TRIM33: variants seen among roughly 807,000 people sequenced by gnomAD.
TRIM33 encodes the protein E3 ubiquitin-protein ligase TRIM33.
In TRIM33, 20 loss-of-function variants were observed where a neutral mutation model predicts 125.4. The observed-to-expected ratio is 0.16, with a 90% CI of 0.11 to 0.23. The LOEUF (loss-of-function observed/expected upper bound fraction) is 0.23. TRIM33 is among the 10% of genes least tolerant of loss of function. The pLI, the probability that TRIM33 is intolerant of heterozygous loss-of-function variation, is 1.00. For synonymous variants in TRIM33, 564 were observed against 513.9 expected (o/e 1.10, Z -1.32); for missense variants, 920 against 1,411.4 (o/e 0.65, Z 5.58).
chr1:114,405,427 T>C lies in TRIM33; in HGVS notation c.2751A>G (p.Thr917=). ...ACTGGTACCTTGGAAAGCTAAGTAG[T>C]GTTGGAACATGACAAGTTAGATGAA... ...KVFHLTCHVP[T]LLSFPSGDWI... is the part of the protein sequence containing the mutation. The change falls in exon 15 of 20, where the codon ACA becomes ACG. Residue 917 remains threonine (T), a synonymous_variant. Coordinates refer to ENST00000358465, the MANE Select transcript of TRIM33 (RefSeq NM_015906.4). The C allele has an allele frequency of 1.2e-6, 2 of 1,612,008 alleles. No individual in the cohort carries two copies. Among genetic ancestry groups the C allele is most frequent in the South Asian group, 1.1e-5 (1 of 90,662 alleles).
At chr1:114,461,236 A>T in intron 4 of TRIM33, among the ~76,000 whole-genome samples, 1 of 146,036 alleles carries the variant, frequency 6.8e-6, no homozygotes. Flanking sequence ...ATATATATAT[A>T]CATATATTTA....
chr1:114,457,326 G>C (rs1649684124), intron 4 of TRIM33, among the ~76,000 whole-genome samples: 1 of 152,106 alleles, frequency 6.6e-6, no homozygotes. Context: ...AACCCTATGA[G>C]TGCCACCCAG....
rs1369094171 is a variant in TRIM33, at chr1:114,510,878, C to G, written c.199G>C (p.Val67Leu). ...GGAAGPDDGG[V>L]AAASSGSAQA... ...GCCGAGCCCGAGGAGGCCGCGGCCA[C>G]CCCCCCGTCGTCGGGCCCGGCCGCG... is the stretch of plus-strand genomic sequence containing the variant. Residue 67 changes from valine (V) to leucine (L), a missense_variant, in exon 1 of 20, where the codon GTG becomes CTG. Val to Leu is a conservative substitution (Grantham distance 32). Transcript: ENST00000358465. The G allele has an allele frequency of 2.1e-6, 3 of 1,447,258 alleles. No individual in the cohort carries two copies. Among genetic ancestry groups the G allele is most frequent in the Non-Finnish European group, 2.7e-6 (3 of 1,105,950 alleles). 89.7% of individuals were successfully genotyped at this position (1,447,258 alleles called of 1,614,324 possible).
rs1474560351 is a variant in TRIM33 at position 114,510,759 on chromosome 1, A to G, written c.318T>C (p.Ala106=). ...GAGGCGGCCCTGCCGAGGGACCCGG[A>G]GCGGGAGCCGAGGCTGGAGCTGGAG... is the stretch of plus-strand genomic sequence containing the variant. ...TPAPAPASAP[A]PGPSAGPPPG... is the part of the protein sequence containing the mutation. The change falls in exon 1 of 20, where the codon GCT becomes GCC. Residue 106 remains alanine (A), a synonymous_variant. Coordinates refer to ENST00000358465, the MANE Select transcript of TRIM33 (RefSeq NM_015906.4). 1.3e-6 allele frequency: 2 copies of G among 1,523,114 alleles called. No individual in the cohort carries two copies. The highest frequency in any genetic ancestry group is 2.5e-5 in the East Asian group (1 of 40,038). 94.3% of individuals were successfully genotyped at this position (1,523,114 alleles called of 1,614,324 possible).
At chr1:114,489,095 T>C (rs2101526285) in intron 1 of TRIM33, among the ~76,000 whole-genome samples, 1 of 152,280 alleles carries the variant, frequency 6.6e-6, no homozygotes, top group South Asian at 2.1e-4. Context: ...GACATACAGA[T>C]CAATGGAATG....
chr1:114,449,962 A>G (rs549154071), intron 4 of TRIM33, among the ~76,000 whole-genome samples: 4 of 152,264 alleles, frequency 2.6e-5, no homozygotes, highest in Admixed American at 2.6e-4. Flanking sequence ...TTCTTGGTTT[A>G]CTAACTTATT....
At chr1:114,421,388 G>A in intron 11 of TRIM33, 48 bp downstream of exon 11, 2 of 1,502,214 alleles carry the variant, frequency 1.3e-6, no homozygotes, top group Non-Finnish European at 1.9e-6. Context: ...CTCTAACTCT[G>A]TAATTAACAT....
intron 1 of TRIM33, among the ~76,000 whole-genome samples, chr1:114,470,420 T>C (rs1378339402): frequency 6.6e-6 from 1 of 152,184 alleles, no homozygotes; most frequent in African/African-American, 2.4e-5. Flanking sequence ...TGTAATTGTT[T>C]TGAGGCCCCA....
chr1:114,453,398 C>T (rs1196054485), intron 4 of TRIM33, among the ~76,000 whole-genome samples: 2 of 151,440 alleles, frequency 1.3e-5, no homozygotes, highest in Admixed American at 6.6e-5. Context: ...GAGGTGAACT[C>T]GTTTTAAGGT....
At chr1:114,479,249 T>G (rs1316230249) in intron 1 of TRIM33, among the ~76,000 whole-genome samples, 4 of 152,118 alleles carry the variant, frequency 2.6e-5, no homozygotes, top group African/African-American at 9.7e-5. Context: ...AAAAAATGTT[T>G]GAAGAAATAA....
chr1:114,457,074 C>T (rs1425226103), intron 4 of TRIM33, among the ~76,000 whole-genome samples: 2 of 152,164 alleles, frequency 1.3e-5, no homozygotes, highest in Non-Finnish European at 1.5e-5. Flanking sequence ...TTGAAGGACA[C>T]ATATTCCATA....
At chr1:114,429,308 C>T (rs1384153457) in intron 6 of TRIM33, among the ~76,000 whole-genome samples, 1 of 152,004 alleles carries the variant, frequency 6.6e-6, no homozygotes, top group African/African-American at 2.4e-5. Context: ...CTGCCTCAGC[C>T]TCCTGAGTAG....
chr1:114,427,600 T>G, intron 7 of TRIM33, 148 bp downstream of exon 7: 2 of 738,140 alleles, frequency 2.7e-6, no homozygotes, highest in Non-Finnish European at 4.2e-6. Context: ...TGAGGAAACT[T>G]TGGGGGGTGG....
chr1:114,460,569 C>T (rs985712252), intron 4 of TRIM33, among the ~76,000 whole-genome samples: 2 of 140,598 alleles, frequency 1.4e-5, no homozygotes, highest in African/African-American at 5.3e-5. Context: ...ACACCCCCCG[C>T]CACCTTTTTT....
At chr1:114,463,607 C>G in intron 2 of TRIM33, 51 bp from the exon 3 acceptor site, 1 of 957,986 alleles carries the variant, frequency 1.0e-6, no homozygotes, top group Non-Finnish European at 1.5e-6. Flanking sequence ...AAATCTAGAT[C>G]TAAAAAAAAA....
chr1:114,474,031 T>C (rs571605677), intron 1 of TRIM33, among the ~76,000 whole-genome samples: 1 of 152,060 alleles, frequency 6.6e-6, no homozygotes, highest in African/African-American at 2.4e-5. Context: ...CCCAAGTAGT[T>C]AGGACTACGG....
intron 4 of TRIM33, among the ~76,000 whole-genome samples, chr1:114,443,962 C>A (rs1292266542): frequency 1.3e-5 from 2 of 152,068 alleles, no homozygotes; most frequent in African/African-American, 4.8e-5. Context: ...GCCCTTGTCA[C>A]CAAAAACTAT....
intron 1 of TRIM33, among the ~76,000 whole-genome samples, chr1:114,490,233 G>A (rs1651981779): frequency 6.6e-6 from 1 of 151,342 alleles, no homozygotes; most frequent in African/African-American, 2.4e-5. Context: ...ATGGACAAAA[G>A]TCTGAACAGA....
At chr1:114,433,556 A>G in intron 5 of TRIM33, 61 bp downstream of exon 5, 1 of 1,031,074 alleles carries the variant, frequency 9.7e-7, no homozygotes, top group Non-Finnish European at 1.5e-6. Context: ...AAACAGATTT[A>G]AACTGGACCC....
Sources: gnomAD v4.1 joint callset for allele counts (sites outside exome capture counted in the v4.1 genomes callset) on GRCh38, gnomAD v4.1.1 for gene constraint, MANE v1.5 for transcripts, NCBI Gene and HGNC (gene_info 2026-07-23, HGNC 2026-07-21) for gene names.